SPOCK1: variants seen among roughly 807,000 people sequenced by gnomAD.
SPOCK1 encodes the protein testican-1.
A neutral mutation model predicts 55.3 loss-of-function variants in SPOCK1; 23 were observed. The ratio of observed to expected loss-of-function variants is 0.42; its 90% CI spans 0.30 to 0.59. The LOEUF (loss-of-function observed/expected upper bound fraction) is 0.59, where lower values mean the gene tolerates loss of function less well. Ranked by LOEUF, SPOCK1 falls within the 20% of genes least tolerant of loss-of-function variation. The pLI, the probability that SPOCK1 is intolerant of heterozygous loss-of-function variation, is 0.22. For synonymous variants in SPOCK1, 226 were observed against 221.0 expected (o/e 1.02, Z -0.20); for missense variants, 499 against 552.5 (o/e 0.90, Z 0.97).
intron 2 of SPOCK1, among the ~76,000 whole-genome samples, chr5:137,346,809 G>A (rs954811628): frequency 6.6e-6 from 1 of 152,182 alleles, no homozygotes; most frequent in Non-Finnish European, 1.5e-5. Flanking sequence ...CGTGCAATAC[G>A]TGAGCCCTGT....
chr5:137,139,576 G>A (rs1273469112), intron 4 of SPOCK1, among the ~76,000 whole-genome samples: 1 of 70,330 alleles, frequency 1.4e-5, no homozygotes, highest in East Asian at 3.5e-4. Context: ...GCCGATTTAA[G>A]TGGGAATCTT....
At chr5:137,234,027 A>G (rs952186812) in intron 3 of SPOCK1, among the ~76,000 whole-genome samples, 2 of 152,166 alleles carry the variant, frequency 1.3e-5, no homozygotes, top group African/African-American at 4.8e-5. Context: ...CTGGCTGGAA[A>G]GGACAGTCTG....
At chr5:137,239,795 T>C (rs1398412238) in intron 3 of SPOCK1, among the ~76,000 whole-genome samples, 2 of 152,200 alleles carry the variant, frequency 1.3e-5, no homozygotes, top group African/African-American at 2.4e-5. Context: ...CCATCATTGT[T>C]AACTTACATT....
intron 7 of SPOCK1, 83 bp from the exon 8 acceptor site, chr5:136,988,726 A>C: frequency 1.5e-6 from 2 of 1,344,414 alleles, no homozygotes; most frequent in Non-Finnish European, 2.0e-6. Flanking sequence ...TGCCCCAAGA[A>C]GATGCCAAGG....
chr5:137,002,897 C>T (rs1218638651), intron 6 of SPOCK1, among the ~76,000 whole-genome samples: 1 of 152,094 alleles, frequency 6.6e-6, no homozygotes, highest in African/African-American at 2.4e-5. Flanking sequence ...GTCATTTTGC[C>T]TTTTGTTAAT....
chr5:136,994,621 A>G (rs1751006682), intron 6 of SPOCK1, among the ~76,000 whole-genome samples: 1 of 151,788 alleles, frequency 6.6e-6, no homozygotes, highest in Non-Finnish European at 1.5e-5. Flanking sequence ...CAGAAAGCCA[A>G]CAACAAATCC....
intron 3 of SPOCK1, among the ~76,000 whole-genome samples, chr5:137,221,150 T>C (rs2127087674): frequency 6.6e-6 from 1 of 152,368 alleles, no homozygotes; most frequent in Non-Finnish European, 1.5e-5. Context: ...AAGTTTCCTC[T>C]AAATAGCCTG....
chr5:137,451,886 G>T (rs1227278677), intron 2 of SPOCK1, among the ~76,000 whole-genome samples: 1 of 152,316 alleles, frequency 6.6e-6, no homozygotes, highest in East Asian at 1.9e-4. Flanking sequence ...ACAAATTAGG[G>T]TAATTTTAGA....
intron 2 of SPOCK1, among the ~76,000 whole-genome samples, chr5:137,427,307 CTGGT>C (rs972880825): frequency 6.6e-6 from 1 of 152,208 alleles, no homozygotes; most frequent in African/African-American, 2.4e-5. Flanking sequence ...CTCCACAACA[CTGGT>C]TGATACTTTT....
chr5:137,308,927 G>A (rs1458443259), intron 2 of SPOCK1, among the ~76,000 whole-genome samples: 1 of 152,112 alleles, frequency 6.6e-6, no homozygotes, highest in African/African-American at 2.4e-5. Flanking sequence ...CAGACGTTGA[G>A]AAGTATGCAC....
intron 2 of SPOCK1, among the ~76,000 whole-genome samples, chr5:137,464,204 AG>A (rs1753551838): frequency 6.6e-6 from 1 of 152,124 alleles, no homozygotes; most frequent in Non-Finnish European, 1.5e-5. Context: ...GTGGGGGCTG[AG>A]GCAAGAGAAT....
chr5:137,334,519 C>T lies in SPOCK1; in HGVS notation c.187-67464G>A, dbSNP rs894511771. On this transcript the variant is annotated intron_variant, in intron 2 of 10. Transcript: ENST00000394945. Reference sequence around the variant, plus strand: ...GGAGGGTTTGGTCGCAGAACGCGTTCCCTGTGCTTCTTGCTCTGGTGCTCC... The same window carrying T: ...GGAGGGTTTGGTCGCAGAACGCGTTTCCTGTGCTTCTTGCTCTGGTGCTCC... 3.9e-5 allele frequency among the ~76,000 whole-genome samples: 6 copies of T among 152,324 alleles called. No homozygotes were observed. In the South Asian group the frequency reaches 1.0e-3, roughly 26 times the overall value.
At chr5:137,356,825 A>AGAGAGAGAGAGG (rs1750818877) in intron 2 of SPOCK1, among the ~76,000 whole-genome samples, 1 of 39,014 alleles carries the variant, frequency 2.6e-5, no homozygotes, top group African/African-American at 9.3e-5. Flanking sequence ...ATATATATAT[A>AGAGAGAGAGAGG]TATATATATA....
intron 9 of SPOCK1, among the ~76,000 whole-genome samples, chr5:136,983,736 C>T (rs571339432): frequency 6.6e-6 from 1 of 151,650 alleles, no homozygotes; most frequent in African/African-American, 2.4e-5. Flanking sequence ...ATTTATTTGA[C>T]TCTGTATACC....
At chr5:137,314,699 C>T (rs1757846201) in intron 2 of SPOCK1, among the ~76,000 whole-genome samples, 1 of 152,134 alleles carries the variant, frequency 6.6e-6, no homozygotes, top group Non-Finnish European at 1.5e-5. Flanking sequence ...TACTGCCTGG[C>T]TCTATTTAAA....
At chr5:137,235,360 C>T (rs866123971) in intron 3 of SPOCK1, among the ~76,000 whole-genome samples, 39 of 152,108 alleles carry the variant, frequency 2.6e-4, no homozygotes, top group African/African-American at 8.2e-4. Context: ...ACAATGTGGC[C>T]GGTATTCATT....
At chr5:137,118,391 G>T (rs989710593) in intron 4 of SPOCK1, among the ~76,000 whole-genome samples, 20 of 152,174 alleles carry the variant, frequency 1.3e-4, no homozygotes, top group Non-Finnish European at 4.4e-5. Flanking sequence ...TCCTGGGAAT[G>T]TCAACCTTAA....
At chr5:137,133,408 C>A (rs1753920882) in intron 4 of SPOCK1, among the ~76,000 whole-genome samples, 1 of 152,198 alleles carries the variant, frequency 6.6e-6, no homozygotes, top group Middle Eastern at 3.4e-3. Context: ...AAGGGGGACC[C>A]CCAGCCTAGC....
At chr5:137,133,045 T>C (rs868081842) in intron 4 of SPOCK1, among the ~76,000 whole-genome samples, 1 of 152,296 alleles carries the variant, frequency 6.6e-6, no homozygotes, top group Middle Eastern at 3.4e-3. Context: ...GTGACACATT[T>C]TACTGGCAGT....
Sources: allele counts gnomAD v4.1 joint callset (sites outside exome capture counted in the v4.1 genomes callset), GRCh38; gene constraint gnomAD v4.1.1; transcripts MANE v1.5; gene names NCBI Gene and HGNC (gene_info 2026-07-23, HGNC 2026-07-21).